Variants in CDH7 observed in about 807,000 individuals in gnomAD.
CDH7 encodes the protein cadherin 7, also known as cadherin-7.
A neutral mutation model predicts 71.8 loss-of-function variants in CDH7; 25 were observed. The ratio of observed to expected loss-of-function variants is 0.35; its 90% CI spans 0.25 to 0.49. The LOEUF is 0.49. Among genes scored for constraint, CDH7 ranks in the 20% least tolerant of loss-of-function variants. The pLI is 0.99. For synonymous variants in CDH7, 381 were observed against 363.8 expected (o/e 1.05, Z -0.54); for missense variants, 862 against 974.6 (o/e 0.88, Z 1.54).
chr18:65,859,289 A>T (rs945035749), intron 9 of CDH7, among the ~76,000 whole-genome samples: 2 of 152,330 alleles, frequency 1.3e-5, no homozygotes, highest in African/African-American at 4.8e-5. Flanking sequence ...TTAAATGGCT[A>T]AGAACTTAGA....
chr18:65,879,665 C>T (rs974864134), intron 11 of CDH7, among the ~76,000 whole-genome samples: 4 of 152,140 alleles, frequency 2.6e-5, no homozygotes, highest in African/African-American at 9.7e-5. Flanking sequence ...TACAGTGCAA[C>T]CTCCTGCTTT....
chr18:65,837,075 G>A (rs1400272670), intron 6 of CDH7, among the ~76,000 whole-genome samples: 1 of 152,056 alleles, frequency 6.6e-6, no homozygotes, highest in Non-Finnish European at 1.5e-5. Flanking sequence ...AGTATTTATT[G>A]TTTATATATT....
At position 65,860,625 on chromosome 18, in the gene CDH7, A is replaced by G. The variant is rs138731300; in HGVS notation, c.1612+800A>G. On this transcript the variant is annotated intron_variant, in intron 10 of 11. Transcript: ENST00000397968. ...TTTGAAACTGATGTAGAGGGTGAAT[A>G]GTACCCCCCAACAGCATGGAAAATA... is the stretch of plus-strand genomic sequence containing the variant. Among the ~76,000 whole-genome samples the G allele has an allele frequency of 1.3e-4, 20 of 152,298 alleles. No homozygotes were observed. In the East Asian group the frequency reaches 3.7e-3, roughly 28 times the overall value.
chr18:65,865,195 A>G (rs1913715708), intron 11 of CDH7: 1 of 152,196 alleles, frequency 6.6e-6, no homozygotes, highest in Admixed American at 6.5e-5. Context: ...AGGTTGCTTG[A>G]TGATTCTAAT....
At chr18:65,775,610 T>G (rs1316411996) in intron 2 of CDH7, among the ~76,000 whole-genome samples, 1 of 152,182 alleles carries the variant, frequency 6.6e-6, no homozygotes, top group Non-Finnish European at 1.5e-5. Flanking sequence ...AGAAGAAGAA[T>G]TGTCTTGGAC....
At position 65,764,213 on chromosome 18, in the gene CDH7, G is replaced by A. The variant is rs910976222; in HGVS notation, c.210+1161G>A. Among the ~76,000 whole-genome samples the A allele has an allele frequency of 2.0e-5, 3 of 151,798 alleles. No individual in the cohort carries two copies. In the South Asian group the frequency reaches 6.2e-4, roughly 32 times the overall value. On this transcript the variant is annotated intron_variant, in intron 2 of 11. Transcript: ENST00000397968. The stretch of plus-strand genomic sequence containing the variant: ...GGGCCAAAATTATGTTTATTGATGA[G>A]CATCTACATCAATCAAGGTAATTTG...
intron 6 of CDH7, among the ~76,000 whole-genome samples, chr18:65,835,414 A>C (rs1453916234): frequency 6.6e-6 from 1 of 152,170 alleles, no homozygotes; most frequent in African/African-American, 2.4e-5. Flanking sequence ...TGGCCAAGGA[A>C]ATACTGAATC....
At chr18:65,879,949 A>C (rs939881646) in intron 11 of CDH7, among the ~76,000 whole-genome samples, 1 of 152,222 alleles carries the variant, frequency 6.6e-6, no homozygotes, top group Admixed American at 6.5e-5. Context: ...TTCTTCAAAG[A>C]ACCTGACCGA....
chr18:65,878,089 A>G (rs1003962438), intron 11 of CDH7, among the ~76,000 whole-genome samples: 1 of 152,160 alleles, frequency 6.6e-6, no homozygotes, highest in African/African-American at 2.4e-5. Flanking sequence ...AAATGGGAAA[A>G]CACCTACCCC....
At chr18:65,850,128 C>T (rs896952213) in intron 7 of CDH7, among the ~76,000 whole-genome samples, 1 of 149,664 alleles carries the variant, frequency 6.7e-6, no homozygotes, top group African/African-American at 2.5e-5. Flanking sequence ...CACGCCACTG[C>T]ACTCCAGCCT....
chr18:65,751,456 G>A (rs756191515), intron 1 of CDH7, among the ~76,000 whole-genome samples: 2 of 152,118 alleles, frequency 1.3e-5, no homozygotes, highest in African/African-American at 2.4e-5. Flanking sequence ...CAGGTGCAGC[G>A]GCAAACATGG....
In CDH7 at chr18:65,814,518, C is replaced by T; in HGVS notation, c.539C>T (p.Ala180Val). The stretch of plus-strand genomic sequence containing the variant: ...GTGGTACAAGTGACAGCGACGGATG[C>T]TGATGATCCTACATATGGCAACAGT... ...TSVVQVTATD[A>V]DDPTYGNSAR... The change falls in exon 4 of 12, where the codon GCT (alanine) becomes GTT (valine). Residue 180 changes from alanine to valine, a missense_variant. Physicochemically the swap from Ala to Val is moderately conservative, Grantham distance 64. Transcript: ENST00000397968. 6.2e-7 allele frequency: 1 copy of T among 1,613,582 alleles called. No individual in the cohort carries two copies. The highest frequency in any genetic ancestry group is 8.5e-7 in the Non-Finnish European group (1 of 1,179,686).
chr18:65,843,904 C>G lies in CDH7; in HGVS notation c.1074C>G (p.Phe358Leu). ...ADPRFLSLGP[F>L]SDTTTVKIIV... is the part of the protein sequence containing the mutation. ...CTCGCTTTCTGAGCTTGGGTCCGTT[C>G]AGTGACACGACAACTGTGAAGATAA... The change falls in exon 7 of 12, where the codon TTC becomes TTG. Residue 358 changes from phenylalanine (F) to leucine (L), a missense_variant. Phe to Leu is a conservative substitution (Grantham distance 22). Coordinates refer to ENST00000397968, the MANE Select transcript of CDH7 (RefSeq NM_004361.5). The G allele has an allele frequency of 1.2e-6, 2 of 1,603,134 alleles. No homozygotes were observed. Among genetic ancestry groups the G allele is most frequent in the Non-Finnish European group, 1.7e-6 (2 of 1,173,144 alleles).
rs773158955 is a variant in CDH7, at chr18:65,824,804, C to G, written c.954C>G (p.Thr318=). Residue 318 remains threonine, a synonymous_variant, in exon 6 of 12, where the codon ACC becomes ACG. Transcript: ENST00000397968. ...TTAAGATTTCTGTTGACAAAGAAACCCAGGAAGGAATCATTACTATACAGA... is the reference window on the plus strand; with the variant it reads ...TTAAGATTTCTGTTGACAAAGAAACGCAGGAAGGAATCATTACTATACAGA... ...GIFKISVDKE[T]QEGIITIQKE... 4 of 1,610,628 alleles carry G rather than the reference C, an allele frequency of 2.5e-6. No individual in the cohort carries two copies. The Admixed American group carries it at 6.7e-5, about 27-fold the overall frequency.
intron 7 of CDH7, among the ~76,000 whole-genome samples, chr18:65,856,744 T>C (rs748160036): frequency 6.6e-6 from 1 of 152,082 alleles, no homozygotes; most frequent in East Asian, 1.9e-4. Context: ...TAATTGTTTG[T>C]TTTTGAATGA....
At chr18:65,834,433 A>G (rs1450847338) in intron 6 of CDH7, among the ~76,000 whole-genome samples, 1 of 152,212 alleles carries the variant, frequency 6.6e-6, no homozygotes, top group African/African-American at 2.4e-5. Context: ...CACAAATGAA[A>G]TGATGAAAAG....
Position 65,888,461 on chromosome 18 carries a change from A to C in CDH7, c.*7567A>C, listed in dbSNP as rs577442082. 3 of 152,276 alleles carry C rather than the reference A, an allele frequency of 2.0e-5. No homozygotes were observed. Among genetic ancestry groups the C allele is most frequent in the Admixed American group, 2.0e-4 (3 of 15,286 alleles). 9.4% of individuals were successfully genotyped at this position (152,276 alleles called of 1,614,324 possible). A position where few individuals can be genotyped will look rare whatever the true frequency, so the allele number is the denominator to read the frequency against. On this transcript the variant is annotated 3_prime_UTR_variant, in exon 12 of 12. Coordinates refer to ENST00000397968, the MANE Select transcript of CDH7 (RefSeq NM_004361.5). ...TCTGTTGTCATCATTCTCAGCTGTGATGGTGGCGCCATCCTGGTTTCCAGC... is the reference window on the plus strand; with the variant it reads ...TCTGTTGTCATCATTCTCAGCTGTGCTGGTGGCGCCATCCTGGTTTCCAGC...
At position 65,761,706 on chromosome 18, in the gene CDH7, C is replaced by T. The variant is rs186677287; in HGVS notation, c.-196-941C>T. Among the ~76,000 whole-genome samples the T allele has an allele frequency of 2.0e-5, 3 of 152,112 alleles. No individual in the cohort carries two copies. In the East Asian group the frequency reaches 5.8e-4, roughly 29 times the overall value. ...TTTCTTTGTGTTTTAGGGGTATGTT[C>T]GAAAGTTTGTTTTGTAACTGATTTT... On this transcript the variant is annotated intron_variant, in intron 1 of 11. Transcript: ENST00000397968.
intron 1 of CDH7, among the ~76,000 whole-genome samples, chr18:65,756,233 G>C (rs1370369115): frequency 6.6e-6 from 1 of 152,018 alleles, no homozygotes; most frequent in Non-Finnish European, 1.5e-5. Context: ...TTTCTATTTT[G>C]GTGCTATTAT....
Sources: gnomAD v4.1 joint callset for allele counts (sites outside exome capture counted in the v4.1 genomes callset) on GRCh38, gnomAD v4.1.1 for gene constraint, MANE v1.5 for transcripts, NCBI Gene and HGNC (gene_info 2026-07-23, HGNC 2026-07-21) for gene names.